RANBP3: variants seen among roughly 807,000 people sequenced by gnomAD.
RANBP3 encodes the protein ran-binding protein 3.
RANBP3 carries 14 observed loss-of-function variants against 77.3 expected under a neutral mutation model. That is an observed-to-expected ratio of 0.18 (90% CI 0.12 to 0.28). The LOEUF is 0.28. RANBP3 is among the 10% of genes least tolerant of loss of function. The probability of loss-of-function intolerance (pLI) is 1.00; values close to 1 mark genes in which losing one functional copy is unlikely to be tolerated. For missense variants in RANBP3, 586 were observed against 752.3 expected (o/e 0.78, Z 2.59); for synonymous variants, 315 against 312.4 (o/e 1.01, Z -0.09).
At chr19:5,977,780 G>C (rs2058614118) in intron 1 of RANBP3, among the ~76,000 whole-genome samples, 2 of 152,192 alleles carry the variant, frequency 1.3e-5, no homozygotes, top group Admixed American at 6.5e-5. Flanking sequence ...CCCGAGCTTG[G>C]CTGCGACGCA....
Position 5,925,562 on chromosome 19 carries a change from CCT to C in RANBP3, c.917+70_917+71del, listed in dbSNP as rs367902518. 3.0e-5 allele frequency: 41 copies of C among 1,353,764 alleles called. No homozygotes were observed. The African/African-American group carries it at 5.4e-4, about 18-fold the overall frequency. 83.9% of individuals were successfully genotyped at this position (1,353,764 alleles called of 1,614,324 possible). On this transcript the variant is annotated intron_variant, in intron 10 of 16. Coordinates refer to ENST00000340578, the MANE Select transcript of RANBP3 (RefSeq NM_007322.3). ...GAGTCGGGCACGGGGACCACAGACC[CCT>C]CTCTGGCAGAAGCCCTCGCGGCCAC...
chr19:5,921,172 G>A lies in RANBP3; in HGVS notation c.1330+29C>T, dbSNP rs574774093. The A allele has an allele frequency of 1.8e-5, 28 of 1,598,792 alleles. No homozygotes were observed. In the Admixed American group the frequency reaches 4.0e-4, roughly 23 times the overall value. On this transcript the variant is annotated intron_variant, in intron 14 of 16. Transcript: ENST00000340578. The surrounding 1 kb of genome is among the most constrained non-coding windows in gnomAD (Gnocchi z 5.3). ...TCCCCAGCCCTCCCCATGGGGACCC[G>A]GCCACAGCCCCCGCCGTCGGCAGCT... is the stretch of plus-strand genomic sequence containing the variant.
At chr19:5,939,329 A>G (rs2058104417) in intron 5 of RANBP3, among the ~76,000 whole-genome samples, 1 of 152,256 alleles carries the variant, frequency 6.6e-6, no homozygotes, top group South Asian at 2.1e-4. Context: ...ATGAGGGCTT[A>G]TGAAGCCTCA....
chr19:5,946,566 C>T (rs765136511), intron 3 of RANBP3, among the ~76,000 whole-genome samples: 11 of 152,336 alleles, frequency 7.2e-5, no homozygotes, highest in Non-Finnish European at 1.3e-4. Flanking sequence ...CACTAAGACC[C>T]AGCGGAGGGA....
At chr19:5,962,046 C>A (rs914666525) in intron 1 of RANBP3, among the ~76,000 whole-genome samples, 2 of 152,102 alleles carry the variant, frequency 1.3e-5, no homozygotes, top group East Asian at 3.9e-4. Flanking sequence ...CACTCCCTCC[C>A]GAGCAGGCCT....
intron 14 of RANBP3, among the ~76,000 whole-genome samples, chr19:5,919,875 T>G (rs1599715627): frequency 2.3e-5 from 3 of 130,852 alleles, no homozygotes; most frequent in South Asian, 5.2e-4. Context: ...CACTCCAGAC[T>G]GGGCAACAAG....
chr19:5,973,069 C>G (rs1019313647), intron 1 of RANBP3, among the ~76,000 whole-genome samples: 1 of 152,180 alleles, frequency 6.6e-6, no homozygotes, highest in African/African-American at 2.4e-5. Flanking sequence ...CCATCAGGCC[C>G]CTTCTGCTAC....
At chr19:5,975,236 A>G (rs375429994) in intron 1 of RANBP3, among the ~76,000 whole-genome samples, 6 of 152,330 alleles carry the variant, frequency 3.9e-5, no homozygotes, top group East Asian at 1.9e-4. Flanking sequence ...GTCCACCAAG[A>G]TTTGATTTCC....
chr19:5,964,171 C>G (rs2058436560), intron 1 of RANBP3, among the ~76,000 whole-genome samples: 1 of 152,216 alleles, frequency 6.6e-6, no homozygotes, highest in African/African-American at 2.4e-5. Flanking sequence ...GGCCGGTGTC[C>G]TGGTCCTGGT....
intron 1 of RANBP3, among the ~76,000 whole-genome samples, chr19:5,971,962 A>G (rs1404727294): frequency 2.0e-5 from 3 of 152,272 alleles, no homozygotes; most frequent in Non-Finnish European, 4.4e-5. Context: ...ACTGCTGTGC[A>G]AGAATGCAGG....
rs1436364365 is a variant in RANBP3, at chr19:5,924,742, C to A, written c.996+85G>T. On this transcript the variant is annotated intron_variant, in intron 11 of 16. Coordinates refer to ENST00000340578, the MANE Select transcript of RANBP3 (RefSeq NM_007322.3). The surrounding 1 kb of genome is among the most constrained non-coding windows in gnomAD (Gnocchi z 4.7). ...CCCCATCTCACATAGGACGACACAG[C>A]AGCCCTGCTCTCCATGTCCCCTTGA... 2.2e-6 allele frequency: 3 copies of A among 1,344,072 alleles called. No individual in the cohort carries two copies. Among genetic ancestry groups the A allele is most frequent in the Non-Finnish European group, 3.2e-6 (3 of 937,200 alleles). The allele number at this position is 1,344,072 out of a possible 1,614,324, so 83.3% of individuals were successfully genotyped here. A position where few individuals can be genotyped will look rare whatever the true frequency, so the allele number is the denominator to read the frequency against.
chr19:5,940,176 G>A (rs1455056676), intron 5 of RANBP3, among the ~76,000 whole-genome samples: 1 of 152,196 alleles, frequency 6.6e-6, no homozygotes, highest in Non-Finnish European at 1.5e-5. Flanking sequence ...TGCGCTGGAC[G>A]GGAGGTGATT....
rs1451722164 is a variant in RANBP3 at position 5,924,140 on chromosome 19, C to T, written c.997-226G>A. On this transcript the variant is annotated intron_variant, in intron 11 of 16. Coordinates refer to ENST00000340578, the MANE Select transcript of RANBP3 (RefSeq NM_007322.3). The surrounding 1 kb of genome is among the most constrained non-coding windows in gnomAD (Gnocchi z 4.7). ...TCCCCTCGAGCCACACTGGTCACTC[C>T]GTCTGGGTGAGGCAAGACTTTGAAC... is the stretch of plus-strand genomic sequence containing the variant. 1.3e-5 allele frequency among the ~76,000 whole-genome samples: 2 copies of T among 152,214 alleles called. No homozygotes were observed. The highest frequency in any genetic ancestry group is 2.9e-5 in the Non-Finnish European group (2 of 68,044).
intron 2 of RANBP3, among the ~76,000 whole-genome samples, chr19:5,954,200 G>T (rs1390006070): frequency 6.6e-6 from 1 of 152,166 alleles, no homozygotes; most frequent in Non-Finnish European, 1.5e-5. Context: ...AGACGAAGGG[G>T]CTCTTTTACT....
rs767283381 is a variant in RANBP3, at chr19:5,951,544, T to TC, written c.130dup (p.Glu44GlyfsTer3). The TC allele has an allele frequency of 1.9e-6, 3 of 1,612,388 alleles. No homozygotes were observed. Among genetic ancestry groups the TC allele is most frequent in the South Asian group, 1.1e-5 (1 of 90,862 alleles). On this transcript the variant is annotated frameshift_variant, in exon 3 of 17. Transcript: ENST00000340578. LOFTEE classifies it high-confidence loss of function. ...CGTGCCATGGTGGGGGGCCTCAGCC[T>TC]CCCCCCGAGGCTCCTCTCCCGAATC...
At chr19:5,938,649 C>T (rs1011508591) in intron 5 of RANBP3, among the ~76,000 whole-genome samples, 1 of 151,734 alleles carries the variant, frequency 6.6e-6, no homozygotes, top group East Asian at 2.0e-4. Context: ...CCAAGATCGC[C>T]CCATTGCACT....
chr19:5,941,896 T>A, intron 3 of RANBP3, 61 bp from the exon 4 acceptor site: 1 of 1,590,374 alleles, frequency 6.3e-7, no homozygotes, highest in South Asian at 1.1e-5. Context: ...GCCGAGCAAC[T>A]CTCGGGGCCG....
At chr19:5,945,845 GAAGCAGCCCCGGGA>G (rs951657136) in intron 3 of RANBP3, among the ~76,000 whole-genome samples, 17 of 151,884 alleles carry the variant, frequency 1.1e-4, no homozygotes, top group Non-Finnish European at 1.6e-4. Flanking sequence ...CGTGGCTCTA[GAAGCAGCCCCGGGA>G]ACACTGTGGT....
At chr19:5,967,985 C>G (rs965248054) in intron 1 of RANBP3, among the ~76,000 whole-genome samples, 1 of 151,968 alleles carries the variant, frequency 6.6e-6, no homozygotes, top group Non-Finnish European at 1.5e-5. Flanking sequence ...CCACTGCACT[C>G]CAGCCTGGGC....
Sources: allele counts gnomAD v4.1 joint callset (sites outside exome capture counted in the v4.1 genomes callset), GRCh38; gene constraint gnomAD v4.1.1; non-coding constraint Gnocchi (gnomAD v3.1); transcripts MANE v1.5; gene names NCBI Gene and HGNC (gene_info 2026-07-23, HGNC 2026-07-21).